The following TRIO variants were observed in gnomAD, a reference collection of about 807,000 sequenced individuals.
TRIO encodes the protein triple functional domain protein.
A neutral mutation model predicts 351.9 loss-of-function variants in TRIO; 58 were observed. The ratio of observed to expected loss-of-function variants is 0.16; its 90% CI spans 0.13 to 0.21. The LOEUF (loss-of-function observed/expected upper bound fraction) is 0.21, where lower values mean the gene tolerates loss of function less well. Ranked by LOEUF, TRIO falls within the 10% of genes least tolerant of loss-of-function variation. The probability of loss-of-function intolerance (pLI) is 1.00; values close to 1 mark genes in which losing one functional copy is unlikely to be tolerated. For synonymous variants in TRIO, 1,758 were observed against 1,595.7 expected (o/e 1.10, Z -2.42); for missense variants, 3,201 against 4,027.8 (o/e 0.79, Z 5.56).
chr5:14,385,950 C>T (rs1746504205), intron 21 of TRIO, among the ~76,000 whole-genome samples: 2 of 152,220 alleles, frequency 1.3e-5, no homozygotes, highest in Non-Finnish European at 2.9e-5. Context: ...GTGCCCTCCA[C>T]AGATGGCCCT....
chr5:14,484,026 C>T (rs996981165), intron 46 of TRIO, among the ~76,000 whole-genome samples: 3 of 151,732 alleles, frequency 2.0e-5, no homozygotes, highest in South Asian at 4.2e-4. Context: ...GCACCCATCC[C>T]CTGAGAACCA....
In TRIO at chr5:14,286,808, C is replaced by T. The variant is rs1736481108; in HGVS notation, c.348-63C>T. 2 of 1,550,610 alleles carry T rather than the reference C, an allele frequency of 1.3e-6. No individual in the cohort carries two copies. The highest frequency in any genetic ancestry group is 2.4e-4 in the Middle Eastern group (1 of 4,214). ...GCTGGGTCTGTGGCACCCAGTGGGA[C>T]TCTGACCAGGCAGAGTGGCAAGAGA... is the stretch of plus-strand genomic sequence containing the variant. On this transcript the variant is annotated intron_variant, in intron 3 of 56. Coordinates refer to ENST00000344204, the MANE Select transcript of TRIO (RefSeq NM_007118.4). The surrounding 1 kb of genome is among the most constrained non-coding windows in gnomAD (Gnocchi z 4.4).
At chr5:14,455,269 C>T (rs27106) in intron 34 of TRIO, among the ~76,000 whole-genome samples, 4 of 151,986 alleles carry the variant, frequency 2.6e-5, no homozygotes, top group South Asian at 2.1e-4. Flanking sequence ...AGAGCCGATT[C>T]GCCGATTTTA....
rs566210483 is a variant in TRIO at position 14,316,421 on chromosome 5, T to C, written c.1501-92T>C. On this transcript the variant is annotated intron_variant, in intron 8 of 56. Transcript: ENST00000344204. ...GTGTACATGTACGTGTGTGCCTGTA[T>C]GTGCACACACATGTATCCAAGGACA... 6.3e-6 allele frequency: 8 copies of C among 1,269,204 alleles called. No individual in the cohort carries two copies. In the Admixed American group the frequency reaches 1.4e-4, roughly 22 times the overall value. The allele number at this position is 1,269,204 out of a possible 1,614,324, so 78.6% of individuals were successfully genotyped here.
chr5:14,447,227 C>G (rs1208186377), intron 34 of TRIO, among the ~76,000 whole-genome samples: 1 of 152,096 alleles, frequency 6.6e-6, no homozygotes, highest in Non-Finnish European at 1.5e-5. Flanking sequence ...GCGAGACTGT[C>G]CCATAAATAA....
At chr5:14,349,352 G>A (rs1742818893) in intron 11 of TRIO, among the ~76,000 whole-genome samples, 1 of 152,094 alleles carries the variant, frequency 6.6e-6, no homozygotes, top group Admixed American at 6.5e-5. Flanking sequence ...TGTTTTTCCT[G>A]CATATGTGTG....
At chr5:14,164,079 T>A (rs1788628108) in intron 1 of TRIO, among the ~76,000 whole-genome samples, 1 of 152,218 alleles carries the variant, frequency 6.6e-6, no homozygotes, top group South Asian at 2.1e-4. Flanking sequence ...CTGATGCCAC[T>A]CAGCAGTGGG....
intron 1 of TRIO, among the ~76,000 whole-genome samples, chr5:14,177,298 T>G (rs199602226): frequency 9.9e-5 from 15 of 152,234 alleles, no homozygotes; most frequent in Admixed American, 3.3e-4. Context: ...CACTTTTAAA[T>G]TTTTTTTGGT....
intron 55 of TRIO, among the ~76,000 whole-genome samples, chr5:14,505,583 C>A (rs779595852): frequency 9.2e-5 from 14 of 152,204 alleles, no homozygotes; most frequent in Non-Finnish European, 1.8e-4. Flanking sequence ...GGAACTCCCT[C>A]CAGGCCCTGT....
intron 40 of TRIO, among the ~76,000 whole-genome samples, chr5:14,475,267 C>T (rs932800173): frequency 6.6e-6 from 1 of 152,218 alleles, no homozygotes; most frequent in Non-Finnish European, 1.5e-5. Context: ...TTCTGCTCTC[C>T]TGTCTTGATG....
intron 30 of TRIO, 60 bp downstream of exon 30, chr5:14,399,130 G>C: frequency 6.7e-7 from 1 of 1,482,288 alleles, no homozygotes; most frequent in Non-Finnish European, 9.4e-7. Context: ...TCTTTTTGTA[G>C]GTAGAGAAGA....
At chr5:14,417,320 G>A (rs965892224) in intron 33 of TRIO, among the ~76,000 whole-genome samples, 4 of 152,156 alleles carry the variant, frequency 2.6e-5, no homozygotes, top group African/African-American at 9.7e-5. Context: ...AGAAGAGTTT[G>A]GTTTTGTTTT....
intron 3 of TRIO, among the ~76,000 whole-genome samples, chr5:14,285,676 T>C (rs1365564951): frequency 6.6e-6 from 1 of 152,166 alleles, no homozygotes; most frequent in African/African-American, 2.4e-5. Context: ...TAGACTAGTT[T>C]TTTGGGGGGA....
intron 33 of TRIO, among the ~76,000 whole-genome samples, chr5:14,416,295 G>GT (rs35758011): frequency 0.31 from 44,854 of 146,074 alleles, 7,121 homozygotes; most frequent in Middle Eastern, 0.47. Flanking sequence ...ACACAGAAAA[G>GT]TTTTTTTTTT....
At position 14,488,180 on chromosome 5, in the gene TRIO, G is replaced by A; in HGVS notation, c.7552G>A (p.Ala2518Thr). 3 of 1,601,108 alleles carry A rather than the reference G, an allele frequency of 1.9e-6. No individual in the cohort carries two copies. The highest frequency in any genetic ancestry group is 2.5e-6 in the Non-Finnish European group (3 of 1,178,808). The change falls in exon 48 of 57, where the codon GCC (alanine) becomes ACC (threonine). Residue 2518 changes from alanine (A) to threonine (T), a missense_variant. Around this residue, in one of 19 missense-constraint regions of TRIO, gnomAD observed 1,089 missense variants for 954.9 expected, o/e 1.14. Coordinates refer to ENST00000344204, the MANE Select transcript of TRIO (RefSeq NM_007118.4). ...CCAGCGGCAGACACCCCGCCACGCG[G>A]CCCCTGGCAAGGATACTGACCGCAT... ...SLQRQTPRHA[A>T]PGKDTDRMST... is the part of the protein sequence containing the mutation.
Position 14,309,827 on chromosome 5 carries a change from T to C in TRIO, c.1500+5235T>C, listed in dbSNP as rs187436472. Among the ~76,000 whole-genome samples, 448 of 152,312 alleles carry C rather than the reference T, an allele frequency of 2.9e-3. 2 individuals are homozygous for C. Among genetic ancestry groups the C allele is most frequent in the Non-Finnish European group, 4.9e-3 (335 of 68,032 alleles). On this transcript the variant is annotated intron_variant, in intron 8 of 56. Transcript: ENST00000344204. Reference sequence around the variant, plus strand: ...TTTTTTTTATTTCCTTTTCCTTGCCTCTCTCTTCCTGTCCTTCCTTATTCC... The same window carrying C: ...TTTTTTTTATTTCCTTTTCCTTGCCCCTCTCTTCCTGTCCTTCCTTATTCC...
rs30612 is a variant in TRIO at position 14,419,918 on chromosome 5, A to C, written c.5100A>C (p.Thr1700=). The part of the protein sequence containing the change: ...HDKPDWCLVR[T]TDRSPAAEGL... The stretch of plus-strand genomic sequence containing the variant: ...AGCCTGACTGGTGTCTGGTGCGGAC[A>C]ACTGACCGCTCCCCAGCGGCAGAAG... Residue 1700 remains threonine, a synonymous_variant, in exon 34 of 57, where the codon ACA becomes ACC. Transcript: ENST00000344204. The C allele has an allele frequency of 0.85, 1,369,673 of 1,614,018 alleles. 584,070 individuals are homozygous for C. Among genetic ancestry groups the C allele is most frequent in the African/African-American group, 0.97 (72,802 of 75,044 alleles).
At chr5:14,398,415 G>A (rs570620558) in intron 29 of TRIO, among the ~76,000 whole-genome samples, 7 of 152,294 alleles carry the variant, frequency 4.6e-5, no homozygotes, top group African/African-American at 1.7e-4. Flanking sequence ...AGAAAGCCTG[G>A]ACCTGAGCAG....
rs1034659589 is a variant in TRIO, at chr5:14,381,018, C to T, written c.3448-112C>T. On this transcript the variant is annotated intron_variant, in intron 20 of 56. Transcript: ENST00000344204. The stretch of plus-strand genomic sequence containing the variant: ...TGCCTCTCTGGGAGGGAATGCTTCT[C>T]GATGCTGCCAGCCTTGGTTTGTGAT... 3.4e-5 allele frequency: 47 copies of T among 1,377,516 alleles called. No homozygotes were observed. The Middle Eastern group carries it at 6.1e-4, about 18-fold the overall frequency. The allele number at this position is 1,377,516 out of a possible 1,614,324, so 85.3% of individuals were successfully genotyped here.
Sources: gnomAD v4.1 joint callset for allele counts (sites outside exome capture counted in the v4.1 genomes callset) on GRCh38, gnomAD v4.1.1 for gene constraint, gnomAD v4.1.1 regional missense constraint, Gnocchi (gnomAD v3.1) non-coding constraint, MANE v1.5 for transcripts, NCBI Gene and HGNC (gene_info 2026-07-23, HGNC 2026-07-21) for gene names.